The following ULK4 variants were observed in gnomAD, a reference collection of about 807,000 sequenced individuals.
ULK4 encodes the protein inactive serine/threonine-protein kinase ULK4.
In ULK4, 133 loss-of-function variants were observed where a neutral mutation model predicts 160.6. The ratio of observed to expected loss-of-function variants is 0.83; its 90% CI spans 0.72 to 0.96. The LOEUF is 0.96. ULK4 is among the 40% of genes least tolerant of loss of function. The pLI, the probability that ULK4 is intolerant of heterozygous loss-of-function variation, is 0.00. For missense variants in ULK4, 1,580 were observed against 1,499.5 expected (o/e 1.05, Z -0.89); for synonymous variants, 534 against 539.8 (o/e 0.99, Z 0.15).
intron 32 of ULK4, among the ~76,000 whole-genome samples, chr3:41,484,503 A>G (rs1419278482): frequency 1.4e-5 from 2 of 139,412 alleles, no homozygotes; most frequent in Non-Finnish European, 3.0e-5. Context: ...CCCAGGCTGG[A>G]GTGCAGTGGT....
In ULK4 at chr3:41,805,529, G is replaced by C. The variant is rs950774355; in HGVS notation, c.1849-5236C>G. Among the ~76,000 whole-genome samples the C allele has an allele frequency of 1.7e-3, 260 of 151,604 alleles. 2 individuals carry two copies. The highest frequency in any genetic ancestry group is 5.9e-3 in the African/African-American group (244 of 41,430). On this transcript the variant is annotated intron_variant, in intron 19 of 36. Coordinates refer to ENST00000301831, the MANE Select transcript of ULK4 (RefSeq NM_017886.4). ...GAACTTCCAACACTATGTTGAATAG[G>C]AGTGGTGAGAGAGGGCATCCCTGTC...
intron 35 of ULK4, among the ~76,000 whole-genome samples, chr3:41,361,283 A>G (rs2081137613): frequency 6.6e-6 from 1 of 152,228 alleles, no homozygotes; most frequent in South Asian, 2.1e-4. Context: ...TGATAGGCTT[A>G]AAAATCTTTT....
chr3:41,725,324 C>T (rs532638169), intron 22 of ULK4, among the ~76,000 whole-genome samples: 71 of 152,038 alleles, frequency 4.7e-4, no homozygotes, highest in Non-Finnish European at 7.9e-4. Flanking sequence ...TATTTCTTTC[C>T]TATATTGATA....
At chr3:41,636,101 G>A (rs558080789) in intron 30 of ULK4, among the ~76,000 whole-genome samples, 9 of 150,388 alleles carry the variant, frequency 6.0e-5, no homozygotes, top group Middle Eastern at 3.2e-3. Flanking sequence ...TTGTATTCTT[G>A]GACAACTTAC....
chr3:41,903,395 G>T (rs554220620), intron 12 of ULK4, among the ~76,000 whole-genome samples: 2 of 152,110 alleles, frequency 1.3e-5, no homozygotes, highest in Non-Finnish European at 2.9e-5. Context: ...GACCAGTCTG[G>T]CCAAAATGGT....
chr3:41,608,751 C>T (rs1056796496), intron 31 of ULK4, among the ~76,000 whole-genome samples: 1 of 152,182 alleles, frequency 6.6e-6, no homozygotes, highest in Non-Finnish European at 1.5e-5. Flanking sequence ...GTATCACTTG[C>T]CATGGCCAGA....
intron 31 of ULK4, among the ~76,000 whole-genome samples, chr3:41,583,468 T>A (rs903301794): frequency 6.6e-6 from 1 of 152,242 alleles, no homozygotes; most frequent in African/African-American, 2.4e-5. Flanking sequence ...GAGGGATGAA[T>A]ACTTCGTTTT....
At chr3:41,631,794 T>C (rs2033757676) in intron 30 of ULK4, among the ~76,000 whole-genome samples, 1 of 151,940 alleles carries the variant, frequency 6.6e-6, no homozygotes, top group Non-Finnish European at 1.5e-5. Context: ...TGCAGGACTC[T>C]TTTATGAAGC....
chr3:41,800,244 C>A lies in ULK4; in HGVS notation c.1898G>T (p.Cys633Phe). ...CTGGGACTGAGCAGAAAAGGTGGTACAGACATTTTCAATAATTTTTGCTGC... is the reference window on the plus strand; with the variant it reads ...CTGGGACTGAGCAGAAAAGGTGGTAAAGACATTTTCAATAATTTTTGCTGC... ...HMAAKIIENV[C>F]TTFSAQSQGF... is the part of the protein sequence containing the mutation. The change falls in exon 20 of 37, where the codon TGT (cysteine) becomes TTT (phenylalanine). Residue 633 changes from cysteine (C) to phenylalanine (F), a missense_variant. Cys to Phe is a radical substitution (Grantham distance 205). Transcript: ENST00000301831. The A allele has an allele frequency of 6.2e-7, 1 of 1,613,272 alleles. No homozygotes were observed. Among genetic ancestry groups the A allele is most frequent in the Non-Finnish European group, 8.5e-7 (1 of 1,179,788 alleles).
chr3:41,588,699 AAAT>A (rs539580986), intron 31 of ULK4, among the ~76,000 whole-genome samples: 17 of 152,342 alleles, frequency 1.1e-4, no homozygotes, highest in African/African-American at 3.8e-4. Flanking sequence ...CAATAGACAC[AAAT>A]AATAATAATT....
intron 17 of ULK4, among the ~76,000 whole-genome samples, chr3:41,844,284 T>C (rs1024811893): frequency 6.6e-6 from 1 of 151,996 alleles, no homozygotes; most frequent in Non-Finnish European, 1.5e-5. Context: ...GGCTCAGGCA[T>C]GGTGGGCTGC....
At chr3:41,487,389 A>G (rs1445695352) in intron 32 of ULK4, among the ~76,000 whole-genome samples, 5 of 152,160 alleles carry the variant, frequency 3.3e-5, no homozygotes, top group Admixed American at 2.0e-4. Flanking sequence ...ATGCATAAGA[A>G]CGGTGGGATA....
chr3:41,496,285 T>C (rs560977703), intron 32 of ULK4, among the ~76,000 whole-genome samples: 3 of 152,280 alleles, frequency 2.0e-5, no homozygotes, highest in Admixed American at 6.5e-5. Context: ...ACAACGATTA[T>C]GGTACAACTA....
chr3:41,395,289 C>A lies in ULK4; in HGVS notation c.3678+2790G>T, dbSNP rs528472205. 2.6e-5 allele frequency among the ~76,000 whole-genome samples: 4 copies of A among 151,146 alleles called. No homozygotes were observed. The East Asian group carries it at 5.8e-4, about 22-fold the overall frequency. The stretch of plus-strand genomic sequence containing the variant: ...AATCTGGGGCAGCCGTGGATTGTAA[C>A]TCACTGAAAACTTCATGAGCCAATC... On this transcript the variant is annotated intron_variant, in intron 35 of 36. Transcript: ENST00000301831.
intron 12 of ULK4, among the ~76,000 whole-genome samples, chr3:41,902,296 G>A (rs528452907): frequency 2.0e-5 from 3 of 152,062 alleles, no homozygotes; most frequent in Admixed American, 2.0e-4. Flanking sequence ...AACACAAAAA[G>A]AGGCCGGGTG....
At chr3:41,753,452 T>C (rs751538534) in intron 22 of ULK4, among the ~76,000 whole-genome samples, 30 of 152,178 alleles carry the variant, frequency 2.0e-4, no homozygotes, top group Non-Finnish European at 2.8e-4. Context: ...AGGTCTCCTC[T>C]GGGCTTCAAT....
intron 21 of ULK4, among the ~76,000 whole-genome samples, chr3:41,789,078 C>T (rs1243210382): frequency 6.6e-6 from 1 of 152,156 alleles, no homozygotes; most frequent in Non-Finnish European, 1.5e-5. Flanking sequence ...CACTCTTTAA[C>T]AAGGGACTAG....
chr3:41,372,292 G>A lies in ULK4; in HGVS notation c.3678+25787C>T, dbSNP rs547891239. ...AACATTCAAATTCAGGAAATACGGAGAACACCACAAAGATACTCCTCAGGA... is the reference window on the plus strand; with the variant it reads ...AACATTCAAATTCAGGAAATACGGAAAACACCACAAAGATACTCCTCAGGA... On this transcript the variant is annotated intron_variant, in intron 35 of 36. Coordinates refer to ENST00000301831, the MANE Select transcript of ULK4 (RefSeq NM_017886.4). 7.9e-5 allele frequency among the ~76,000 whole-genome samples: 12 copies of A among 151,974 alleles called. No homozygotes were observed. In the South Asian group the frequency reaches 2.5e-3, roughly 32 times the overall value.
intron 32 of ULK4, among the ~76,000 whole-genome samples, chr3:41,547,931 A>C (rs1334872728): frequency 6.6e-6 from 1 of 152,284 alleles, no homozygotes; most frequent in South Asian, 2.1e-4. Flanking sequence ...TCAGAGACTG[A>C]GAGTGGCCTG....
Sources: allele counts gnomAD v4.1 joint callset (sites outside exome capture counted in the v4.1 genomes callset), GRCh38; gene constraint gnomAD v4.1.1; transcripts MANE v1.5; gene names NCBI Gene and HGNC (gene_info 2026-07-23, HGNC 2026-07-21).